SPI1: variants seen among roughly 807,000 people sequenced by gnomAD.
The protein encoded by SPI1 is transcription factor PU.1.
SPI1 carries 3 observed loss-of-function variants against 30.7 expected under a neutral mutation model. The ratio of observed to expected loss-of-function variants is 0.10; its 90% CI spans 0.04 to 0.25. SPI1 has a LOEUF of 0.25. Ranked by LOEUF, SPI1 falls within the 10% of genes least tolerant of loss-of-function variation. The pLI is 1.00. For synonymous variants in SPI1, 169 were observed against 157.1 expected (o/e 1.08, Z -0.56); for missense variants, 261 against 371.5 (o/e 0.70, Z 2.45).
At chr11:47,357,444 CACA>C (rs199604630) in intron 4 of SPI1, among the ~76,000 whole-genome samples, 1,523 of 152,258 alleles carry the variant, frequency 0.01, 13 homozygotes, top group Middle Eastern at 0.061. Context: ...CCTGTTCACA[CACA>C]ACCACTCAGA....
intron 2 of SPI1, among the ~76,000 whole-genome samples, chr11:47,366,956 T>C (rs2095929248): frequency 6.6e-6 from 1 of 152,350 alleles, no homozygotes; most frequent in Non-Finnish European, 1.5e-5. Flanking sequence ...GTTACAAAGA[T>C]GGATCTTGTA....
At chr11:47,356,008 G>T (rs2095908191) in intron 4 of SPI1, among the ~76,000 whole-genome samples, 1 of 149,154 alleles carries the variant, frequency 6.7e-6, no homozygotes, top group Admixed American at 6.7e-5. Flanking sequence ...CAATGTATCT[G>T]ATCACACACA....
chr11:47,372,950 A>G (rs2095937792), intron 2 of SPI1, among the ~76,000 whole-genome samples: 2 of 152,238 alleles, frequency 1.3e-5, no homozygotes, highest in Admixed American at 6.5e-5. Context: ...CTTTTTCACT[A>G]AGCTTCAGTA....
At chr11:47,358,764 G>T in intron 4 of SPI1, 80 bp downstream of exon 4, 1 of 1,404,016 alleles carries the variant, frequency 7.1e-7, no homozygotes, top group East Asian at 2.5e-5. Context: ...GTGGCTGCTG[G>T]GTCAGTTGGC....
rs1259371444 is a variant in SPI1, at chr11:47,359,645, C to A, written c.330+208G>T. On this transcript the variant is annotated intron_variant, in intron 3 of 4. Transcript: ENST00000378538. This position sits in a 1 kb window ranked among gnomAD's most constrained non-coding sequence, Gnocchi z 5.1. ...GTGCGAGAATTATCTGGGGTCTGTC[C>A]ATACTCGGGGTGAGATGAGATAAGG... Among the ~76,000 whole-genome samples, 2 of 151,404 alleles carry A rather than the reference C, an allele frequency of 1.3e-5. No homozygotes were observed. The highest frequency in any genetic ancestry group is 2.9e-5 in the Non-Finnish European group (2 of 67,896).
chr11:47,362,774 C>T lies in SPI1; in HGVS notation c.143-2734G>A, dbSNP rs193010114. ...TATTTTTAGTAGAGATGGGGTTTCA[C>T]TATATTGGCCAGGCTGGTCTTGATC... On this transcript the variant is annotated intron_variant, in intron 2 of 4. Coordinates refer to ENST00000378538, the MANE Select transcript of SPI1 (RefSeq NM_003120.3). Among the ~76,000 whole-genome samples, 504 of 151,932 alleles carry T rather than the reference C, an allele frequency of 3.3e-3. 1 individual carries two copies. The highest frequency in any genetic ancestry group is 5.0e-3 in the Non-Finnish European group (340 of 67,962).
intron 4 of SPI1, among the ~76,000 whole-genome samples, chr11:47,355,968 C>G (rs1484881032): frequency 1.3e-5 from 1 of 77,974 alleles, no homozygotes; most frequent in Non-Finnish European, 2.7e-5. Context: ...ACCACTCACT[C>G]ATGCTCACAC....
chr11:47,359,673 T>TGTGGG lies in SPI1; in HGVS notation c.330+175_330+179dup. Reference sequence around the variant, plus strand: ...ACTCGGGGTGAGATGAGATAAGGGGTGTGGGGTCATGAGGTCACTTGGGGG... The same window carrying TGTGGG: ...ACTCGGGGTGAGATGAGATAAGGGGTGTGGGGTGGGGTCATGAGGTCACTTGGGGG... On this transcript the variant is annotated intron_variant, in intron 3 of 4. Transcript: ENST00000378538. The surrounding 1 kb of genome is among the most constrained non-coding windows in gnomAD (Gnocchi z 5.1). Among the ~76,000 whole-genome samples, 1 of 148,430 alleles carries TGTGGG rather than the reference T, an allele frequency of 6.7e-6. No individual in the cohort carries two copies. Among genetic ancestry groups the TGTGGG allele is most frequent in the Non-Finnish European group, 1.5e-5 (1 of 67,202 alleles).
At chr11:47,372,554 A>G (rs1251454301) in intron 2 of SPI1, among the ~76,000 whole-genome samples, 1 of 152,090 alleles carries the variant, frequency 6.6e-6, no homozygotes, top group Admixed American at 6.6e-5. Flanking sequence ...TCAGATGGGA[A>G]GCGGCTGGCA....
At chr11:47,364,757 C>T (rs1286912111) in intron 2 of SPI1, among the ~76,000 whole-genome samples, 1 of 152,130 alleles carries the variant, frequency 6.6e-6, no homozygotes, top group Non-Finnish European at 1.5e-5. Flanking sequence ...CAGCATTTCC[C>T]AAAGCTGGTC....
chr11:47,363,143 T>C (rs2095923338), intron 2 of SPI1, among the ~76,000 whole-genome samples: 1 of 152,202 alleles, frequency 6.6e-6, no homozygotes, highest in Non-Finnish European at 1.5e-5. Context: ...TTCACCTCCG[T>C]CTTCCCAGTG....
At chr11:47,372,703 GC>G (rs2095937464) in intron 2 of SPI1, among the ~76,000 whole-genome samples, 1 of 152,112 alleles carries the variant, frequency 6.6e-6, no homozygotes, top group African/African-American at 2.4e-5. Context: ...CCACTCCCCA[GC>G]CGCTTTGTCC....
At chr11:47,366,261 T>C (rs574347822) in intron 2 of SPI1, among the ~76,000 whole-genome samples, 90 of 152,298 alleles carry the variant, frequency 5.9e-4, no homozygotes, top group African/African-American at 2.0e-3. Flanking sequence ...ATCCCTAGTC[T>C]TACTCACTTT....
chr11:47,363,804 A>T (rs2095924300), intron 2 of SPI1, among the ~76,000 whole-genome samples: 1 of 151,336 alleles, frequency 6.6e-6, no homozygotes, highest in Admixed American at 6.6e-5. Context: ...CTCTACAAAA[A>T]TATAAAAATT....
intron 4 of SPI1, among the ~76,000 whole-genome samples, chr11:47,357,331 A>G (rs1315154948): frequency 7.8e-6 from 1 of 128,078 alleles, no homozygotes; most frequent in Non-Finnish European, 1.7e-5. Flanking sequence ...CACCTCATTG[A>G]CACCTGCTCA....
chr11:47,356,030 A>G (rs2095908271), intron 4 of SPI1, among the ~76,000 whole-genome samples: 1 of 150,968 alleles, frequency 6.6e-6, no homozygotes, highest in South Asian at 2.1e-4. Context: ...GCTGTCACAC[A>G]CATGCACACA....
chr11:47,357,104 T>TGC (rs1565636299), intron 4 of SPI1, among the ~76,000 whole-genome samples: 1 of 145,914 alleles, frequency 6.9e-6, no homozygotes, highest in Non-Finnish European at 1.5e-5. Context: ...ACCTCACACA[T>TGC]TCACACCCAC....
intron 2 of SPI1, among the ~76,000 whole-genome samples, chr11:47,363,982 A>G (rs979952597): frequency 1.3e-5 from 2 of 151,440 alleles, no homozygotes; most frequent in East Asian, 1.9e-4. Context: ...AAAAAAAAAA[A>G]AAAGCCTCTG....
chr11:47,355,269 C>G lies in SPI1; in HGVS notation c.771G>C (p.Leu257=). The part of the protein sequence containing the change: ...KLTYQFSGEV[L]GRGGLAERRH... ...GCCGCTCGGCCAGGCCCCCGCGGCC[C>G]AGCACTTCGCCGCTGAACTGGTAGG... Residue 257 remains leucine, a synonymous_variant, in exon 5 of 5, where the codon CTG becomes CTC. Transcript: ENST00000378538. The G allele has an allele frequency of 6.5e-7, 1 of 1,546,122 alleles. No individual in the cohort carries two copies. Among genetic ancestry groups the G allele is most frequent in the African/African-American group, 1.4e-5 (1 of 72,490 alleles).
Sources: allele counts gnomAD v4.1 joint callset (sites outside exome capture counted in the v4.1 genomes callset), GRCh38; gene constraint gnomAD v4.1.1; non-coding constraint Gnocchi (gnomAD v3.1); transcripts MANE v1.5; gene names NCBI Gene and HGNC (gene_info 2026-07-23, HGNC 2026-07-21).